BCL2: variants seen among roughly 807,000 people sequenced by gnomAD.
BCL2 encodes the protein BCL2 apoptosis regulator.
A neutral mutation model predicts 14.2 loss-of-function variants in BCL2; 1 was observed. That is an observed-to-expected ratio of 0.07 (90% CI 0.02 to 0.33). BCL2 has a LOEUF of 0.33. BCL2 is among the 10% of genes least tolerant of loss of function. The pLI is 0.99. For missense variants in BCL2, 247 were observed against 305.9 expected (o/e 0.81, Z 1.44); for synonymous variants, 151 against 137.2 (o/e 1.10, Z -0.70).
In BCL2 at chr18:63,149,444, T is replaced by C. The variant is rs912652897; in HGVS notation, c.586-20685A>G. Among the ~76,000 whole-genome samples the C allele has an allele frequency of 6.6e-6, 1 of 152,194 alleles. No homozygotes were observed. The highest frequency in any genetic ancestry group is 2.4e-5 in the African/African-American group (1 of 41,444). On this transcript the variant is annotated intron_variant, in intron 2 of 2. Coordinates refer to ENST00000333681, the MANE Select transcript of BCL2 (RefSeq NM_000633.3). The surrounding 1 kb of genome is among the most constrained non-coding windows in gnomAD (Gnocchi z 4.2). ...CTAACAGGCCACAGACCCATACCGG[T>C]CCCGGGCTATATGTATAAGTTGCAA... is the stretch of plus-strand genomic sequence containing the variant.
chr18:63,315,627 C>T lies in BCL2; in HGVS notation c.585+2455G>A, dbSNP rs1225458058. 4.6e-5 allele frequency: 7 copies of T among 152,210 alleles called. No individual in the cohort carries two copies. The South Asian group carries it at 1.4e-3, about 32-fold the overall frequency. The allele number at this position is 152,210 out of a possible 1,614,324, so 9.4% of individuals were successfully genotyped here. ...TATTGTCACATGCCAAGAAAATATGCTAGCTCTCTTCTGAAGCTTTACCAT... is the reference window on the plus strand; with the variant it reads ...TATTGTCACATGCCAAGAAAATATGTTAGCTCTCTTCTGAAGCTTTACCAT... On this transcript the variant is annotated intron_variant, in intron 2 of 2. Coordinates refer to ENST00000333681, the MANE Select transcript of BCL2 (RefSeq NM_000633.3).
chr18:63,258,070 G>A (rs1466268955), intron 2 of BCL2, among the ~76,000 whole-genome samples: 4 of 152,212 alleles, frequency 2.6e-5, no homozygotes, highest in Non-Finnish European at 5.9e-5. Context: ...ATAGGACTGC[G>A]TCCTTATAGG....
At chr18:63,306,030 G>T (rs1427163083) in intron 2 of BCL2, among the ~76,000 whole-genome samples, 1 of 152,060 alleles carries the variant, frequency 6.6e-6, no homozygotes, top group Non-Finnish European at 1.5e-5. Flanking sequence ...AACCGATATG[G>T]TGCCACTGCA....
rs145585668 is a variant in BCL2, at chr18:63,257,691, C to T, written c.585+60391G>A. On this transcript the variant is annotated intron_variant, in intron 2 of 2. Transcript: ENST00000333681. Reference sequence around the variant, plus strand: ...AGGCTCAGAGGTAGAAGATGGGAGCCGAAAGAGTGAATGCTTTCATTTTTT... The same window carrying T: ...AGGCTCAGAGGTAGAAGATGGGAGCTGAAAGAGTGAATGCTTTCATTTTTT... Among the ~76,000 whole-genome samples, 547 of 152,250 alleles carry T rather than the reference C, an allele frequency of 3.6e-3. 2 individuals carry two copies. Among genetic ancestry groups the T allele is most frequent in the African/African-American group, 0.012 (481 of 41,548 alleles).
rs75381991 is a variant in BCL2 at position 63,209,569 on chromosome 18, G to A, written c.586-80810C>T. Among the ~76,000 whole-genome samples the A allele has an allele frequency of 7.5e-3, 1,144 of 152,274 alleles. 13 individuals carry two copies. The highest frequency in any genetic ancestry group is 0.026 in the African/African-American group (1,066 of 41,534). ...CTGTACCCAATACACTGTTAGTGGC[G>A]GAGGGAGAGGCAGAGCTTGGTTTGA... is the stretch of plus-strand genomic sequence containing the variant. On this transcript the variant is annotated intron_variant, in intron 2 of 2. Coordinates refer to ENST00000333681, the MANE Select transcript of BCL2 (RefSeq NM_000633.3).
intron 2 of BCL2, among the ~76,000 whole-genome samples, chr18:63,173,386 C>A (rs1043751998): frequency 6.6e-6 from 1 of 152,174 alleles, no homozygotes; most frequent in Non-Finnish European, 1.5e-5. Flanking sequence ...GTTGTTTAAA[C>A]ATGTTTGTTT....
chr18:63,196,871 G>A (rs534888002), intron 2 of BCL2, among the ~76,000 whole-genome samples: 1 of 152,282 alleles, frequency 6.6e-6, no homozygotes, highest in East Asian at 1.9e-4. Flanking sequence ...TGGATTTCCT[G>A]TATTTCTCAG....
intron 2 of BCL2, among the ~76,000 whole-genome samples, chr18:63,254,628 G>C (rs116954723): frequency 0.022 from 3,336 of 152,030 alleles, 115 homozygotes; most frequent in Admixed American, 0.09. Context: ...ATCAATACCA[G>C]TTTTTTATAG....
At chr18:63,196,503 G>A (rs551628692) in intron 2 of BCL2, among the ~76,000 whole-genome samples, 249 of 152,154 alleles carry the variant, frequency 1.6e-3, no homozygotes, top group African/African-American at 5.4e-3. Flanking sequence ...GAGATTGAGC[G>A]ACTCATATTG....
chr18:63,142,266 G>A (rs1276333991), intron 2 of BCL2, among the ~76,000 whole-genome samples: 3 of 152,240 alleles, frequency 2.0e-5, no homozygotes, highest in Non-Finnish European at 4.4e-5. Context: ...CTAGGCTGGA[G>A]GATGCGGCAT....
At chr18:63,305,522 TTGTTGTGAAGATCAAA>T (rs1599302792) in intron 2 of BCL2, among the ~76,000 whole-genome samples, 2 of 152,148 alleles carry the variant, frequency 1.3e-5, no homozygotes, top group East Asian at 1.9e-4. Context: ...TTGCTTAGGG[TTGTTGTGAAGATCAAA>T]TGGGCCAACA....
intron 2 of BCL2, among the ~76,000 whole-genome samples, chr18:63,231,180 T>G (rs1455121443): frequency 6.6e-6 from 1 of 151,780 alleles, no homozygotes; most frequent in Non-Finnish European, 1.5e-5. Flanking sequence ...TTTAACAAAT[T>G]TAACCCCCAT....
chr18:63,247,380 T>TTTTTTG (rs1911181386), intron 2 of BCL2, among the ~76,000 whole-genome samples: 1 of 151,532 alleles, frequency 6.6e-6, no homozygotes, highest in African/African-American at 2.4e-5. Context: ...GTATTTTTAG[T>TTTTTTG]AGAGATGGGG....
At position 63,319,719 on chromosome 18, in the gene BCL2, C is replaced by G. The variant is rs1438473982; in HGVS notation, c.-832G>C. 3 of 208,866 alleles carry G rather than the reference C, an allele frequency of 1.4e-5. No homozygotes were observed. The highest frequency in any genetic ancestry group is 1.2e-4 in the Admixed American group (2 of 16,906). 12.9% of individuals were successfully genotyped at this position (208,866 alleles called of 1,614,324 possible). ...AAATGAAGGCAGGACGCGCCTGGCC[C>G]GCCGGTGCCGAGCGCTAGAAGCCCG... is the stretch of plus-strand genomic sequence containing the variant. On this transcript the variant is annotated 5_prime_UTR_variant, in exon 1 of 3. Coordinates refer to ENST00000333681, the MANE Select transcript of BCL2 (RefSeq NM_000633.3).
At chr18:63,175,641 G>A (rs1218012645) in intron 2 of BCL2, among the ~76,000 whole-genome samples, 1 of 152,210 alleles carries the variant, frequency 6.6e-6, no homozygotes, top group African/African-American at 2.4e-5. Flanking sequence ...GCTGGTAAAT[G>A]ATAGAGAGGA....
At chr18:63,247,223 A>C (rs1388075324) in intron 2 of BCL2, among the ~76,000 whole-genome samples, 1 of 148,962 alleles carries the variant, frequency 6.7e-6, no homozygotes, top group African/African-American at 2.5e-5. Context: ...TTTTGAGACG[A>C]AGTTTTATTC....
Position 63,142,986 on chromosome 18 carries a change from T to C in BCL2, c.586-14227A>G, listed in dbSNP as rs1914405972. 1.3e-5 allele frequency among the ~76,000 whole-genome samples: 2 copies of C among 152,214 alleles called. 1 individual carries two copies. Among genetic ancestry groups the C allele is most frequent in the South Asian group, 4.1e-4 (2 of 4,834 alleles). ...ACAAGGAAAATGCAGTCTCTGTCAG[T>C]GGCAGCAGCTGTTAGTACCAGGACA... On this transcript the variant is annotated intron_variant, in intron 2 of 2. Transcript: ENST00000333681.
chr18:63,163,766 G>C (rs1914978355), intron 2 of BCL2, among the ~76,000 whole-genome samples: 1 of 152,132 alleles, frequency 6.6e-6, no homozygotes, highest in African/African-American at 2.4e-5. Context: ...TTAAAAAGTA[G>C]GCACTATTAT....
chr18:63,164,161 G>T (rs187000122), intron 2 of BCL2, among the ~76,000 whole-genome samples: 2 of 152,264 alleles, frequency 1.3e-5, no homozygotes, highest in East Asian at 3.9e-4. Flanking sequence ...CTTCCAGTCC[G>T]CCCTCAGGAC....
Sources: gnomAD v4.1 joint callset for allele counts (sites outside exome capture counted in the v4.1 genomes callset) on GRCh38, gnomAD v4.1.1 for gene constraint, Gnocchi (gnomAD v3.1) non-coding constraint, MANE v1.5 for transcripts, NCBI Gene and HGNC (gene_info 2026-07-23, HGNC 2026-07-21) for gene names.